Variants in DZIP1L observed in about 807,000 individuals in gnomAD.
DZIP1L encodes the protein DAZ interacting zinc finger protein 1 like, also known as cilium assembly protein DZIP1L.
A neutral mutation model predicts 88.7 loss-of-function variants in DZIP1L; 90 were observed. That is an observed-to-expected ratio of 1.02 (90% CI 0.86 to 1.21). The LOEUF is 1.21. DZIP1L is among the 50% of genes most tolerant of loss of function. The pLI is 0.00. For missense variants in DZIP1L, 932 were observed against 955.8 expected, an observed-to-expected ratio of 0.98 and a Z score of 0.33; for synonymous variants, 363 against 372.1, an observed-to-expected ratio of 0.98 and a Z score of 0.28.
intron 3 of DZIP1L, among the ~76,000 whole-genome samples, chr3:138,096,594 C>T (rs893751815): frequency 2.0e-5 from 3 of 152,136 alleles, no homozygotes; most frequent in East Asian, 3.8e-4. Flanking sequence ...CTGGTGATAC[C>T]ATCCATGGTT....
chr3:138,106,468 A>G (rs544662641), intron 1 of DZIP1L, among the ~76,000 whole-genome samples: 1 of 151,858 alleles, frequency 6.6e-6, no homozygotes, highest in African/African-American at 2.4e-5. Context: ...GTGCAATAGA[A>G]AGTGCACTTT....
chr3:138,079,432 A>C (rs1257477511), intron 10 of DZIP1L, among the ~76,000 whole-genome samples: 1 of 152,260 alleles, frequency 6.6e-6, no homozygotes, highest in African/African-American at 2.4e-5. Flanking sequence ...GAAGACTGCA[A>C]AGCCCTGAAA....
intron 2 of DZIP1L, chr3:138,102,813 G>C: frequency 1.4e-6 from 1 of 737,558 alleles, no homozygotes; most frequent in South Asian, 1.4e-5. Flanking sequence ...AGAAGCTCAA[G>C]GAGCTGATGC....
rs980254312 is a variant in DZIP1L, at chr3:138,062,249, A to G, written c.*567T>C. ...ATAGATGGCCTCTCATATGCTCCCC[A>G]TAACACCCTGTTCTCTGTCACTAGA... On this transcript the variant is annotated 3_prime_UTR_variant, in exon 16 of 16. Coordinates refer to ENST00000327532, the MANE Select transcript of DZIP1L (RefSeq NM_173543.3). 1 of 153,038 alleles carries G rather than the reference A, an allele frequency of 6.5e-6. No homozygotes were observed. The highest frequency in any genetic ancestry group is 2.4e-5 in the African/African-American group (1 of 41,422). 9.5% of individuals were successfully genotyped at this position (153,038 alleles called of 1,614,324 possible).
chr3:138,069,237 AT>A, intron 12 of DZIP1L: 1 of 535,070 alleles, frequency 1.9e-6, no homozygotes, highest in Non-Finnish European at 3.4e-6. Context: ...TAGTAAACAT[AT>A]TTGCTCTTCC....
At chr3:138,066,434 A>C (rs770416871) in intron 14 of DZIP1L, among the ~76,000 whole-genome samples, 2 of 151,832 alleles carry the variant, frequency 1.3e-5, no homozygotes, top group Non-Finnish European at 2.9e-5. Flanking sequence ...TCTGGGGGGA[A>C]AAATGGTTTA....
intron 8 of DZIP1L, 55 bp from the exon 9 acceptor site, chr3:138,081,819 T>G (rs1202034865): frequency 6.3e-7 from 1 of 1,588,430 alleles, no homozygotes; most frequent in Non-Finnish European, 8.6e-7. Context: ...TTGTGAGAAC[T>G]CTGCTTTGAG....
chr3:138,094,755 C>T, intron 4 of DZIP1L, 107 bp downstream of exon 4: 1 of 1,521,192 alleles, frequency 6.6e-7, no homozygotes, highest in Non-Finnish European at 8.9e-7. Context: ...TGACTCCCAG[C>T]TCTGGGAAAC....
intron 10 of DZIP1L, among the ~76,000 whole-genome samples, chr3:138,079,614 C>T (rs1240442256): frequency 1.3e-5 from 2 of 152,070 alleles, no homozygotes; most frequent in Non-Finnish European, 2.9e-5. Flanking sequence ...TAGCATGGAA[C>T]GATAAATGAG....
Position 138,067,484 on chromosome 3 carries a change from G to A in DZIP1L, c.2002+47C>T, listed in dbSNP as rs766319286. On this transcript the variant is annotated intron_variant, in intron 14 of 15. Transcript: ENST00000327532. Reference sequence around the variant, plus strand: ...CCTTGAGAAATCTGGGCTGGAGAAGGGCTACACCGGTGGTCCCAGCCCACT... The same window carrying A: ...CCTTGAGAAATCTGGGCTGGAGAAGAGCTACACCGGTGGTCCCAGCCCACT... The A allele has an allele frequency of 5.8e-6, 9 of 1,540,462 alleles. No individual in the cohort carries two copies. In the African/African-American group the frequency reaches 7.1e-5, roughly 12 times the overall value.
At chr3:138,082,810 T>C (rs546172220) in intron 8 of DZIP1L, among the ~76,000 whole-genome samples, 9 of 152,354 alleles carry the variant, frequency 5.9e-5, no homozygotes, top group Admixed American at 1.3e-4. Flanking sequence ...GTGACACAGC[T>C]TTGACCAATA....
At chr3:138,113,477 A>C (rs947340619) in intron 1 of DZIP1L, 1 of 152,110 alleles carries the variant, frequency 6.6e-6, no homozygotes, top group Non-Finnish European at 1.5e-5. Flanking sequence ...TCATTTACAA[A>C]CCTGCCCTGG....
chr3:138,111,277 G>A (rs1190643129), intron 1 of DZIP1L, among the ~76,000 whole-genome samples: 1 of 152,194 alleles, frequency 6.6e-6, no homozygotes, highest in Non-Finnish European at 1.5e-5. Context: ...AGTACAAAGA[G>A]TAAAAGCTGA....
chr3:138,073,712 C>T (rs891932043), intron 11 of DZIP1L, among the ~76,000 whole-genome samples: 4 of 152,086 alleles, frequency 2.6e-5, no homozygotes, highest in South Asian at 2.1e-4. Flanking sequence ...CAAACCAAGA[C>T]GAATCTCTGA....
At chr3:138,074,887 C>T (rs1943332897) in intron 11 of DZIP1L, among the ~76,000 whole-genome samples, 1 of 152,082 alleles carries the variant, frequency 6.6e-6, no homozygotes, top group African/African-American at 2.4e-5. Context: ...AACCAAGTTT[C>T]TGCTGTCTTC....
In DZIP1L at chr3:138,088,444, C is replaced by T. The variant is rs777087460; in HGVS notation, c.934G>A (p.Glu312Lys). ...GCCTGCCGAAGCCACTCCTCTGACTCCTCATCTCGCAGTGATCCCAGCTTG... is the reference window on the plus strand; with the variant it reads ...GCCTGCCGAAGCCACTCCTCTGACTTCTCATCTCGCAGTGATCCCAGCTTG... Reference protein sequence around the residue: ...ESKLGSLRDEESEEWLRQARE... With the variant: ...ESKLGSLRDEKSEEWLRQARE... Residue 312 changes from glutamate to lysine, a missense_variant, in exon 6 of 16, where the codon GAG (glutamate) becomes AAG (lysine). Glu to Lys is a moderately conservative substitution (Grantham distance 56, BLOSUM62 1). Transcript: ENST00000327532. 2 of 1,614,016 alleles carry T rather than the reference C, an allele frequency of 1.2e-6. No homozygotes were observed. Among genetic ancestry groups the T allele is most frequent in the Admixed American group, 3.3e-5 (2 of 60,004 alleles).
chr3:138,065,510 C>A (rs1270950780), intron 14 of DZIP1L, among the ~76,000 whole-genome samples: 1 of 152,222 alleles, frequency 6.6e-6, no homozygotes, highest in Non-Finnish European at 1.5e-5. Flanking sequence ...CAAGGACAAG[C>A]AGGTAGTAAG....
intron 11 of DZIP1L, among the ~76,000 whole-genome samples, chr3:138,076,806 G>C (rs902816249): frequency 6.6e-6 from 1 of 152,064 alleles, no homozygotes; most frequent in Non-Finnish European, 1.5e-5. Flanking sequence ...TGGGTACAGT[G>C]TATACTGTTC....
chr3:138,098,061 A>G (rs1032258876), intron 2 of DZIP1L, among the ~76,000 whole-genome samples: 1 of 152,202 alleles, frequency 6.6e-6, no homozygotes, highest in Non-Finnish European at 1.5e-5. Context: ...GAAACTGTCA[A>G]CACTGGATAT....
Sources: allele counts gnomAD v4.1 joint callset (sites outside exome capture counted in the v4.1 genomes callset), GRCh38; gene constraint gnomAD v4.1.1; transcripts MANE v1.5; gene names NCBI Gene and HGNC (gene_info 2026-07-23, HGNC 2026-07-21).